Variants in STARD9 observed in about 807,000 individuals in gnomAD.
STARD9 encodes stAR-related lipid transfer protein 9.
In STARD9, 346 loss-of-function variants were observed where a neutral mutation model predicts 399.8. The ratio of observed to expected loss-of-function variants is 0.87; its 90% CI spans 0.79 to 0.95. The LOEUF (loss-of-function observed/expected upper bound fraction) is 0.95. STARD9 is among the 40% of genes least tolerant of loss of function. The pLI is 0.00. For synonymous variants in STARD9, 2,203 were observed against 2,143.5 expected (o/e 1.03, Z -0.77); for missense variants, 5,832 against 5,667.5 (o/e 1.03, Z -0.93).
chr15:42,631,663 C>T (rs2141901650), intron 3 of STARD9, among the ~76,000 whole-genome samples: 1 of 151,750 alleles, frequency 6.6e-6, no homozygotes, highest in East Asian at 1.9e-4. Context: ...TGTTTAATTT[C>T]CATGTGTGTG....
chr15:42,610,490 T>A (rs1388955924), intron 3 of STARD9, among the ~76,000 whole-genome samples: 8 of 152,228 alleles, frequency 5.3e-5, no homozygotes, highest in Admixed American at 2.6e-4. Flanking sequence ...AACTTCATTG[T>A]TTAAACCACT....
At chr15:42,694,442 A>G in intron 23 of STARD9, 86 bp from the exon 24 acceptor site, 2 of 1,523,878 alleles carry the variant, frequency 1.3e-6, no homozygotes. Flanking sequence ...GCCCTGGTTC[A>G]TCTCTGGGAT....
At chr15:42,655,397 C>A (rs2142004924) in intron 9 of STARD9, among the ~76,000 whole-genome samples, 1 of 152,224 alleles carries the variant, frequency 6.6e-6, no homozygotes, top group Non-Finnish European at 1.5e-5. Context: ...GCATATAGAC[C>A]AATGGAACAG....
intron 4 of STARD9, among the ~76,000 whole-genome samples, chr15:42,635,894 CAG>C (rs1171889590): frequency 3.3e-5 from 5 of 152,136 alleles, no homozygotes; most frequent in Admixed American, 2.0e-4. Flanking sequence ...GCTCCTGAGT[CAG>C]GGGCTTTCAA....
intron 3 of STARD9, among the ~76,000 whole-genome samples, chr15:42,619,648 A>G (rs1371644705): frequency 1.3e-5 from 2 of 152,182 alleles, no homozygotes. Flanking sequence ...TGAAAATGTA[A>G]TGCCTCTGCT....
intron 3 of STARD9, among the ~76,000 whole-genome samples, chr15:42,620,310 GTC>G (rs2059061857): frequency 6.7e-6 from 1 of 150,166 alleles, no homozygotes; most frequent in Non-Finnish European, 1.5e-5. Flanking sequence ...CCGAGACTAT[GTC>G]TCTACAGAAA....
chr15:42,642,128 T>C (rs2141952735), intron 7 of STARD9, among the ~76,000 whole-genome samples: 1 of 152,344 alleles, frequency 6.6e-6, no homozygotes, highest in East Asian at 1.9e-4. Flanking sequence ...AATATGACTT[T>C]AAAGTGGAAA....
intron 1 of STARD9, among the ~76,000 whole-genome samples, chr15:42,579,895 A>G (rs1339370113): frequency 6.6e-6 from 1 of 152,122 alleles, no homozygotes; most frequent in Non-Finnish European, 1.5e-5. Flanking sequence ...CTGACACAAT[A>G]CTATGATCAG....
intron 3 of STARD9, among the ~76,000 whole-genome samples, chr15:42,607,454 C>T (rs957791830): frequency 8.6e-5 from 13 of 151,970 alleles, no homozygotes; most frequent in East Asian, 1.9e-4. Flanking sequence ...CTGCCCACCT[C>T]ACCCTCCCAA....
rs1191119743 is a variant in STARD9, at chr15:42,692,282, C to A, written c.10704C>A (p.Asp3568Glu). ...GGAGTTCTTCAATTGCCTTAGGAGA[C>A]CCCCACATCCCGACGAGCCCTGAAG... is the stretch of plus-strand genomic sequence containing the variant. ...FRGSSSIALG[D>E]PHIPTSPEGV... The change falls in exon 23 of 33, where the codon GAC becomes GAA. Residue 3568 changes from aspartate (D) to glutamate (E), a missense_variant. By Grantham distance (45) the Asp-to-Glu change is conservative. This residue lies in a region of STARD9 where 5,828 missense variants were observed against 5,651.1 expected (regional missense o/e 1.03). Transcript: ENST00000290607. The A allele has an allele frequency of 1.3e-6, 2 of 1,537,020 alleles. No individual in the cohort carries two copies. Among genetic ancestry groups the A allele is most frequent in the Admixed American group, 3.9e-5 (2 of 50,990 alleles).
intron 21 of STARD9, among the ~76,000 whole-genome samples, chr15:42,681,857 G>A (rs117954128): frequency 0.015 from 2,277 of 152,110 alleles, 24 homozygotes; most frequent in Non-Finnish European, 0.022. Context: ...TCCTCATTTG[G>A]TCATGTATCC....
At chr15:42,592,636 G>A (rs1004532962) in intron 3 of STARD9, among the ~76,000 whole-genome samples, 2 of 151,780 alleles carry the variant, frequency 1.3e-5, no homozygotes, top group Non-Finnish European at 2.9e-5. Flanking sequence ...GTAGAGACGG[G>A]TTTCTCCATG....
chr15:42,647,161 C>T (rs879620136), intron 7 of STARD9, among the ~76,000 whole-genome samples: 7 of 152,148 alleles, frequency 4.6e-5, no homozygotes, highest in Admixed American at 4.6e-4. Context: ...TAGCCTAGCA[C>T]ATTGGCCAGT....
At chr15:42,581,615 C>T in intron 1 of STARD9, 1 of 662,702 alleles carries the variant, frequency 1.5e-6, no homozygotes, top group Non-Finnish European at 2.6e-6. Flanking sequence ...CTCTAGTTCC[C>T]TCGTCTGGCT....
rs1236922606 is a variant in STARD9 at position 42,687,973 on chromosome 15, C to T, written c.6395C>T (p.Ala2132Val). ...DTVFRDSEAG[A>V]MEVNSIGNHP... Reference sequence around the variant, plus strand: ...GTCTTTAGGGATAGTGAAGCTGGAGCGATGGAGGTTAACAGCATTGGGAAC... The same window carrying T: ...GTCTTTAGGGATAGTGAAGCTGGAGTGATGGAGGTTAACAGCATTGGGAAC... Residue 2132 changes from alanine (A) to valine (V), a missense_variant, in exon 23 of 33, where the codon GCG (alanine) becomes GTG (valine). Coordinates refer to ENST00000290607, the MANE Select transcript of STARD9 (RefSeq NM_020759.3). 5.9e-6 allele frequency: 9 copies of T among 1,537,292 alleles called. No homozygotes were observed. Among genetic ancestry groups the T allele is most frequent in the African/African-American group, 4.1e-5 (3 of 73,008 alleles).
chr15:42,667,636 G>A (rs1334327896), intron 15 of STARD9, among the ~76,000 whole-genome samples: 3 of 151,408 alleles, frequency 2.0e-5, no homozygotes, highest in East Asian at 1.9e-4. Flanking sequence ...CCACTGCCAC[G>A]CCAGGCTAAT....
intron 7 of STARD9, among the ~76,000 whole-genome samples, chr15:42,641,671 C>G (rs963465828): frequency 1.6e-4 from 25 of 151,676 alleles, no homozygotes; most frequent in African/African-American, 6.1e-4. Context: ...ATGGCGCGAT[C>G]TCGGCTCACC....
At chr15:42,708,211 A>G (rs2061132272) in intron 26 of STARD9, among the ~76,000 whole-genome samples, 1 of 152,222 alleles carries the variant, frequency 6.6e-6, no homozygotes, top group Non-Finnish European at 1.5e-5. Flanking sequence ...ATCCTTTTAA[A>G]TTGACAAGGC....
Position 42,694,199 on chromosome 15 carries a change from A to T in STARD9, c.12621A>T (p.Ser4207=). The T allele has an allele frequency of 6.5e-7, 1 of 1,535,844 alleles. No homozygotes were observed. Among genetic ancestry groups the T allele is most frequent in the Non-Finnish European group, 8.7e-7 (1 of 1,146,254 alleles). The change falls in exon 23 of 33, where the codon TCA becomes TCT. Residue 4207 remains serine, a synonymous_variant. Transcript: ENST00000290607. ...TGCAAGTTGGGGCCCAGAACCTCTCACTCAGCGTGGAACTCACAGAAGCGA... is the reference window on the plus strand; with the variant it reads ...TGCAAGTTGGGGCCCAGAACCTCTCTCTCAGCGTGGAACTCACAGAAGCGA... The part of the protein sequence containing the change: ...IPLQVGAQNL[S]LSVELTEAKL...
Sources: gnomAD v4.1 joint callset for allele counts (sites outside exome capture counted in the v4.1 genomes callset) on GRCh38, gnomAD v4.1.1 for gene constraint, gnomAD v4.1.1 regional missense constraint, MANE v1.5 for transcripts, NCBI Gene and HGNC (gene_info 2026-07-23, HGNC 2026-07-21) for gene names.